The following ESR2 variants were observed in gnomAD, a reference collection of about 807,000 sequenced individuals.
ESR2 encodes estrogen receptor beta.
ESR2 carries 36 observed loss-of-function variants against 49.6 expected under a neutral mutation model. That is an observed-to-expected ratio of 0.73 (90% confidence interval 0.56 to 0.96). ESR2 has a LOEUF of 0.96. Ranked by LOEUF, ESR2 falls within the 40% of genes least tolerant of loss-of-function variation. The probability of loss-of-function intolerance (pLI) is 0.00; values close to 1 mark genes in which losing one functional copy is unlikely to be tolerated. For missense variants in ESR2, 714 were observed against 693.0 expected (o/e 1.03, Z -0.34); for synonymous variants, 320 against 266.1 (o/e 1.20, Z -1.97).
intron 1 of ESR2, chr14:64,335,911 T>C (rs1288986587): frequency 2.6e-5 from 4 of 151,824 alleles, no homozygotes; most frequent in Non-Finnish European, 5.8e-5. Context: ...TTCAAGTGAT[T>C]CTCCTGCCTC....
At chr14:64,280,784 C>T (rs933483993) in intron 2 of ESR2, among the ~76,000 whole-genome samples, 9 of 152,178 alleles carry the variant, frequency 5.9e-5, no homozygotes, top group Non-Finnish European at 1.3e-4. Flanking sequence ...CCAAGGTGGG[C>T]GTATCACCTG....
intron 1 of ESR2, among the ~76,000 whole-genome samples, chr14:64,320,048 A>C (rs1408917918): frequency 6.6e-6 from 1 of 152,222 alleles, no homozygotes; most frequent in Non-Finnish European, 1.5e-5. Flanking sequence ...CCATTAGGTA[A>C]ATGGAAAGCT....
intron 1 of ESR2, among the ~76,000 whole-genome samples, chr14:64,287,928 A>T (rs1414030842): frequency 6.6e-6 from 1 of 152,256 alleles, no homozygotes; most frequent in African/African-American, 2.4e-5. Flanking sequence ...TAAAGAGTTT[A>T]ATTGTTGGGC....
At chr14:64,309,359 C>T (rs1231819607) in intron 1 of ESR2, among the ~76,000 whole-genome samples, 1 of 152,180 alleles carries the variant, frequency 6.6e-6, no homozygotes, top group Non-Finnish European at 1.5e-5. Context: ...TGCCTATAAT[C>T]TCAACACTTT....
intron 1 of ESR2, among the ~76,000 whole-genome samples, chr14:64,322,100 C>A (rs1204601229): frequency 1.3e-5 from 2 of 151,966 alleles, no homozygotes; most frequent in Admixed American, 6.6e-5. Context: ...CTCTTGTCAC[C>A]CAGGCTGGAG....
At chr14:64,248,612 G>A (rs145410585) in intron 7 of ESR2, among the ~76,000 whole-genome samples, 15 of 149,538 alleles carry the variant, frequency 1.0e-4, no homozygotes, top group Middle Eastern at 3.5e-3. Context: ...TTTCTTCCTT[G>A]TATGTTTTTC....
intron 1 of ESR2, among the ~76,000 whole-genome samples, chr14:64,325,511 G>A (rs1043544058): frequency 8.5e-5 from 13 of 152,158 alleles, no homozygotes; most frequent in African/African-American, 3.1e-4. Context: ...AGTGAGAAAA[G>A]TTAAGAAAAT....
chr14:64,264,312 G>C (rs7144250), intron 4 of ESR2, among the ~76,000 whole-genome samples: 2 of 152,136 alleles, frequency 1.3e-5, no homozygotes, highest in African/African-American at 4.8e-5. Flanking sequence ...AGTTATAGTA[G>C]AAGAAAGGGC....
chr14:64,308,574 T>G (rs556740217), intron 1 of ESR2, among the ~76,000 whole-genome samples: 4 of 152,284 alleles, frequency 2.6e-5, no homozygotes, highest in East Asian at 1.9e-4. Flanking sequence ...AATTTTAAAT[T>G]TATTGAGAAA....
chr14:64,275,519 A>G (rs1567768056), intron 3 of ESR2, among the ~76,000 whole-genome samples: 1 of 152,076 alleles, frequency 6.6e-6, no homozygotes. Context: ...CCTGGCCAAT[A>G]TGGTGAAACC....
chr14:64,321,220 T>A (rs549927522), intron 1 of ESR2, among the ~76,000 whole-genome samples: 1 of 151,690 alleles, frequency 6.6e-6, no homozygotes, highest in Non-Finnish European at 1.5e-5. Context: ...TTCTATGAAA[T>A]GTCCAAAAAA....
At chr14:64,318,812 G>A (rs2077291307) in intron 1 of ESR2, among the ~76,000 whole-genome samples, 1 of 152,068 alleles carries the variant, frequency 6.6e-6, no homozygotes. Flanking sequence ...GCAGGCCAAG[G>A]CAGGCAGATT....
In ESR2 at chr14:64,241,145, C is replaced by CAAAAAAAAAAAAA. The variant is rs56347632; in HGVS notation, c.1226-6008_1226-5996dup. Reference sequence around the variant, plus strand: ...TGGGCCACAGAGCGAGACTCCGTCTCAAAAAAAAAAAAAAAAAAAAAAAAA... The same window carrying CAAAAAAAAAAAAA: ...TGGGCCACAGAGCGAGACTCCGTCTCAAAAAAAAAAAAAAAAAAAAAAAAAAAAAAAAAAAAAA... On this transcript the variant is annotated intron_variant, in intron 7 of 8. Transcript: ENST00000341099. 6.1e-4 allele frequency among the ~76,000 whole-genome samples: 58 copies of CAAAAAAAAAAAAA among 95,376 alleles called. 1 individual carries two copies. The East Asian group carries it at 8.4e-3, about 14-fold the overall frequency. The allele number at this position is 95,376 out of a possible 152,430, so 62.6% of individuals were successfully genotyped here.
intron 1 of ESR2, among the ~76,000 whole-genome samples, chr14:64,321,847 G>C (rs1447692709): frequency 6.6e-6 from 1 of 151,976 alleles, no homozygotes; most frequent in African/African-American, 2.4e-5. Flanking sequence ...CTTATAAGTG[G>C]GAGCTAAACA....
rs2098725343 is a variant in ESR2 at position 64,229,592 on chromosome 14, T to A, written c.*3545A>T. ...AGGTTGCACCTGATAGATTCTGCAGTTTTAAAATATTTTTCTTTAAATTTT... is the reference window on the plus strand; with the variant it reads ...AGGTTGCACCTGATAGATTCTGCAGATTTAAAATATTTTTCTTTAAATTTT... On this transcript the variant is annotated 3_prime_UTR_variant, in exon 9 of 9. Transcript: ENST00000341099. Among the ~76,000 whole-genome samples, 1 of 152,182 alleles carries A rather than the reference T, an allele frequency of 6.6e-6. No homozygotes were observed. The highest frequency in any genetic ancestry group is 1.5e-5 in the Non-Finnish European group (1 of 68,028).
chr14:64,299,471 C>T (rs564787614), intron 1 of ESR2, among the ~76,000 whole-genome samples: 37 of 150,768 alleles, frequency 2.5e-4, no homozygotes, highest in African/African-American at 8.3e-4. Flanking sequence ...CACAATCTTC[C>T]GCCTCAGCCC....
Position 64,230,369 on chromosome 14 carries a change from TTA to T in ESR2, c.*2766_*2767del, listed in dbSNP as rs1190243865. Among the ~76,000 whole-genome samples, 3 of 152,294 alleles carry T rather than the reference TTA, an allele frequency of 2.0e-5. No homozygotes were observed. The highest frequency in any genetic ancestry group is 3.4e-3 in the Middle Eastern group (1 of 294). On this transcript the variant is annotated 3_prime_UTR_variant, in exon 9 of 9. Coordinates refer to ENST00000341099, the MANE Select transcript of ESR2 (RefSeq NM_001437.3). The stretch of plus-strand genomic sequence containing the variant: ...AATTCTAGAATTGCTTCAATTCCAC[TTA>T]TATACATAAATATATATGGATATAT...
chr14:64,337,976 C>G (rs1053313572), exon 1 of ESR2: 3 of 153,134 alleles, frequency 2.0e-5, no homozygotes, highest in Non-Finnish European at 4.4e-5. Context: ...GACTCAGTAA[C>G]TCAAGGGGCC....
Position 64,230,929 on chromosome 14 carries a change from T to TA in ESR2, c.*2207_*2208insT, listed in dbSNP as rs1416514471. 1 of 137,962 alleles carries TA rather than the reference T, an allele frequency of 7.2e-6. No homozygotes were observed. The highest frequency in any genetic ancestry group is 2.1e-4 in the East Asian group (1 of 4,692). The allele number at this position is 137,962 out of a possible 1,614,324, so 8.5% of individuals were successfully genotyped here. On this transcript the variant is annotated 3_prime_UTR_variant, in exon 9 of 9. Coordinates refer to ENST00000341099, the MANE Select transcript of ESR2 (RefSeq NM_001437.3). The stretch of plus-strand genomic sequence containing the variant: ...TTTTTTTTTTTTTTGAGACAGGGTC[T>TA]CCCTCTGTCACCCAGGCTGGAGTGC...
Sources: allele counts gnomAD v4.1 joint callset (sites outside exome capture counted in the v4.1 genomes callset), GRCh38; gene constraint gnomAD v4.1.1; transcripts MANE v1.5; gene names NCBI Gene and HGNC (gene_info 2026-07-23, HGNC 2026-07-21).